SH3KBP1: variants seen among roughly 807,000 people sequenced by gnomAD.
SH3KBP1 encodes SH3 domain containing kinase binding protein 1.
In SH3KBP1, 8 loss-of-function variants were observed where a neutral mutation model predicts 50.1. The observed-to-expected ratio is 0.16, with a 90% CI of 0.09 to 0.29. SH3KBP1 has a LOEUF of 0.29. Ranked by LOEUF, SH3KBP1 falls within the 10% of genes least tolerant of loss-of-function variation. SH3KBP1 has a pLI of 1.00. For synonymous variants in SH3KBP1, 227 were observed against 218.6 expected, an observed-to-expected ratio of 1.04 and a Z score of -0.34; for missense variants, 377 against 535.2, an observed-to-expected ratio of 0.70 and a Z score of 2.92.
At chrX:19,747,454 C>T (rs2064948669) in intron 2 of SH3KBP1, among the ~76,000 whole-genome samples, 1 of 110,940 alleles carries the variant, frequency 9.0e-6, no homozygotes, top group African/African-American at 3.3e-5. Context: ...GCAGGAAGAG[C>T]TCAAAGATGA....
At chrX:19,777,841 T>C (rs1169441229) in intron 2 of SH3KBP1, among the ~76,000 whole-genome samples, 1 of 111,467 alleles carries the variant, frequency 9.0e-6, no homozygotes, top group Admixed American at 9.5e-5. Context: ...GCCCAGACTA[T>C]TGAACTAGAA....
rs55675573 is a variant in SH3KBP1, at chrX:19,722,569, G to GGTGTGTGT, written c.287-15593_287-15586dup. On this transcript the variant is annotated intron_variant, in intron 3 of 17. Transcript: ENST00000397821. Reference sequence around the variant, plus strand: ...GTGTGTGTGTGTGCGCGTGCGCACTGGTGTGTGTGTGTGTGTGTGTGTGTG... The same window carrying GGTGTGTGT: ...GTGTGTGTGTGTGCGCGTGCGCACTGGTGTGTGTGTGTGTGTGTGTGTGTGTGTGTGTG... 9.6e-4 allele frequency among the ~76,000 whole-genome samples: 81 copies of GGTGTGTGT among 84,238 alleles called. 1 individual carries two copies. Among genetic ancestry groups the GGTGTGTGT allele is most frequent in the African/African-American group, 3.0e-3 (65 of 21,644 alleles). The allele number at this position is 84,238 out of a possible 115,157, so 73.2% of individuals were successfully genotyped here.
At chrX:19,812,889 C>T (rs1391456986) in intron 2 of SH3KBP1, among the ~76,000 whole-genome samples, 5 of 110,849 alleles carry the variant, frequency 4.5e-5, no homozygotes, top group African/African-American at 1.3e-4. Context: ...GAAGGAGAAT[C>T]GCTTGAGCCC....
chrX:19,855,373 A>G (rs976122114), intron 1 of SH3KBP1, among the ~76,000 whole-genome samples: 1 of 112,381 alleles, frequency 8.9e-6, no homozygotes, highest in Non-Finnish European at 1.9e-5. Context: ...CTGCCTTTAC[A>G]GCACTAAAGC....
At chrX:19,810,845 A>G (rs1322401279) in intron 2 of SH3KBP1, among the ~76,000 whole-genome samples, 1 of 112,537 alleles carries the variant, frequency 8.9e-6, no homozygotes, top group East Asian at 2.8e-4. Flanking sequence ...CTATAATTGC[A>G]TGGATTATAT....
At chrX:19,751,922 G>A (rs776774191) in intron 2 of SH3KBP1, among the ~76,000 whole-genome samples, 1 of 112,440 alleles carries the variant, frequency 8.9e-6, no homozygotes, top group Admixed American at 9.4e-5. Flanking sequence ...GATAAGCTGC[G>A]TTGCCTGGAT....
intron 17 of SH3KBP1, 27 bp downstream of exon 17, chrX:19,537,690 C>A: frequency 2.5e-6 from 3 of 1,192,245 alleles, no homozygotes; most frequent in Non-Finnish European, 3.4e-6. Flanking sequence ...CTAGGACTCA[C>A]GGGCAGCAGA....
At chrX:19,845,948 C>T (rs1234833018) in intron 1 of SH3KBP1, among the ~76,000 whole-genome samples, 1 of 111,957 alleles carries the variant, frequency 8.9e-6, no homozygotes, top group Non-Finnish European at 1.9e-5. Flanking sequence ...CCAATTAATT[C>T]CCATCATTCT....
chrX:19,757,668 C>T lies in SH3KBP1; in HGVS notation c.163-11227G>A, dbSNP rs758518246. On this transcript the variant is annotated intron_variant, in intron 2 of 17. Transcript: ENST00000397821. ...AATTGTATACTTCTCAATATCCCAC[C>T]CTTTCGCCTTTAAATTTGGAGCCCT... Among the ~76,000 whole-genome samples, 3 of 110,291 alleles carry T rather than the reference C, an allele frequency of 2.7e-5. No homozygotes were observed. In the South Asian group the frequency reaches 1.2e-3, roughly 44 times the overall value.
chrX:19,800,140 A>G (rs1385892654), intron 2 of SH3KBP1, among the ~76,000 whole-genome samples: 1 of 111,922 alleles, frequency 8.9e-6, no homozygotes, highest in Non-Finnish European at 1.9e-5. Flanking sequence ...GCTTTCTTCA[A>G]CATCCGTTCT....
At chrX:19,714,787 TA>T in intron 3 of SH3KBP1, among the ~76,000 whole-genome samples, 1 of 112,518 alleles carries the variant, frequency 8.9e-6, no homozygotes, top group East Asian at 2.8e-4. Context: ...TAAAAGGCTA[TA>T]AAAACATTGA....
intron 8 of SH3KBP1, among the ~76,000 whole-genome samples, chrX:19,614,603 C>T (rs987579027): frequency 7.1e-5 from 8 of 111,965 alleles, no homozygotes; most frequent in African/African-American, 2.6e-4. Context: ...GAAATCAGTG[C>T]TTTTACAATG....
chrX:19,567,543 A>ATATATATAT (rs2065882359), intron 13 of SH3KBP1, among the ~76,000 whole-genome samples: 1 of 71,181 alleles, frequency 1.4e-5, no homozygotes, highest in African/African-American at 7.0e-5. Context: ...AAAAAAAAAA[A>ATATATATAT]AAAAAAAAAA....
chrX:19,875,357 A>G (rs979050248), intron 1 of SH3KBP1, among the ~76,000 whole-genome samples: 4 of 112,151 alleles, frequency 3.6e-5, no homozygotes, highest in African/African-American at 1.3e-4. Flanking sequence ...TTCCTCAGGG[A>G]GCCTCATAGA....
Position 19,545,946 on chromosome X carries a change from A to C in SH3KBP1, c.1599T>G (p.Thr533=), listed in dbSNP as rs751133369. The change falls in exon 15 of 18, where the codon ACT becomes ACG. Residue 533 remains threonine, a synonymous_variant. Transcript: ENST00000397821. ...AHRGVDASKK[T]SKTVTISQVS... is the part of the protein sequence containing the mutation. ...CTTGGGATATGGTAACAGTCTTGGA[A>C]GTTTTCTTTGACGCGTCCACTCCTC... 1.7e-6 allele frequency: 2 copies of C among 1,209,575 alleles called. No individual in the cohort carries two copies. The highest frequency in any genetic ancestry group is 3.5e-5 in the African/African-American group (2 of 57,070).
intron 2 of SH3KBP1, among the ~76,000 whole-genome samples, chrX:19,777,369 G>C (rs1474816456): frequency 2.7e-5 from 3 of 110,673 alleles, no homozygotes; most frequent in African/African-American, 9.9e-5. Flanking sequence ...AGGGCTGAAA[G>C]GTTATAATGT....
intron 2 of SH3KBP1, chrX:19,747,554 G>T (rs1402407364): frequency 3.0e-6 from 1 of 328,761 alleles, no homozygotes; most frequent in Non-Finnish European, 6.1e-6. Context: ...TGGGTAGAGG[G>T]CCATGACTAG....
chrX:19,786,776 A>G (rs2066359880), intron 2 of SH3KBP1, among the ~76,000 whole-genome samples: 1 of 111,922 alleles, frequency 8.9e-6, no homozygotes, highest in Non-Finnish European at 1.9e-5. Context: ...ACATTAGCAT[A>G]TCATACCCAC....
At chrX:19,541,888 C>A (rs957484223) in intron 16 of SH3KBP1, 37 bp downstream of exon 16, 1 of 1,181,082 alleles carries the variant, frequency 8.5e-7, no homozygotes. Context: ...CAGAGAGCAA[C>A]CTGGGTGACG....
Sources: allele counts gnomAD v4.1 joint callset (sites outside exome capture counted in the v4.1 genomes callset), GRCh38; gene constraint gnomAD v4.1.1; transcripts MANE v1.5; gene names NCBI Gene and HGNC (gene_info 2026-07-23, HGNC 2026-07-21).